PDE10A: variants seen among roughly 807,000 people sequenced by gnomAD.
PDE10A encodes the protein phosphodiesterase 10A.
PDE10A carries 39 observed loss-of-function variants against 97.7 expected under a neutral mutation model. That is an observed-to-expected ratio of 0.40 (90% confidence interval 0.31 to 0.52). PDE10A has a LOEUF of 0.52. Ranked by LOEUF, PDE10A falls within the 20% of genes least tolerant of loss-of-function variation. PDE10A has a pLI of 0.56. For missense variants in PDE10A, 731 were observed against 1,047.8 expected, an observed-to-expected ratio of 0.70 and a Z score of 4.17; for synonymous variants, 371 against 376.8, an observed-to-expected ratio of 0.98 and a Z score of 0.18.
At chr6:165,510,654 C>T (rs1033149861) in intron 2 of PDE10A, among the ~76,000 whole-genome samples, 1 of 151,952 alleles carries the variant, frequency 6.6e-6, no homozygotes, top group Non-Finnish European at 1.5e-5. Flanking sequence ...CTACTGGGTC[C>T]TGAGCTTTTC....
At chr6:165,336,802 CA>C (rs1489860470) in intron 20 of PDE10A, among the ~76,000 whole-genome samples, 1 of 151,242 alleles carries the variant, frequency 6.6e-6, no homozygotes, top group Non-Finnish European at 1.5e-5. Context: ...ATCTAAGACC[CA>C]AGTACATTAA....
intron 2 of PDE10A, among the ~76,000 whole-genome samples, chr6:165,494,015 A>G (rs905408768): frequency 3.9e-5 from 6 of 152,146 alleles, no homozygotes; most frequent in Non-Finnish European, 7.4e-5. Flanking sequence ...AAGGACATGA[A>G]TAGACAATTC....
chr6:165,775,505 A>G (rs1473779668), intron 1 of PDE10A: 1 of 152,208 alleles, frequency 6.6e-6, no homozygotes, highest in Non-Finnish European at 1.5e-5. Flanking sequence ...AGCTGGAAAC[A>G]AGCCTGCCCA....
At chr6:165,932,164 C>T (rs138879800) in intron 1 of PDE10A, among the ~76,000 whole-genome samples, 25 of 152,332 alleles carry the variant, frequency 1.6e-4, no homozygotes, top group Middle Eastern at 6.8e-3. Flanking sequence ...TCCAGATCTT[C>T]CTGCCCTCTG....
chr6:165,725,134 G>A (rs1485940321), intron 1 of PDE10A, among the ~76,000 whole-genome samples: 3 of 152,146 alleles, frequency 2.0e-5, no homozygotes, highest in African/African-American at 7.2e-5. Context: ...GCCCTCTTCT[G>A]GCTCCCATTC....
intron 1 of PDE10A, among the ~76,000 whole-genome samples, chr6:165,729,786 G>GA (rs11383862): frequency 0.26 from 39,927 of 151,070 alleles, 7,668 homozygotes; most frequent in African/African-American, 0.54. Context: ...TTACTAGGCA[G>GA]AAAAAAAAAT....
At chr6:165,654,993 T>C (rs554601951) in intron 1 of PDE10A, among the ~76,000 whole-genome samples, 23 of 152,208 alleles carry the variant, frequency 1.5e-4, no homozygotes, top group Non-Finnish European at 2.8e-4. Context: ...CTGGTCTCCA[T>C]TCACGACTGT....
At chr6:165,850,856 A>G (rs568984242) in intron 1 of PDE10A, among the ~76,000 whole-genome samples, 2 of 152,348 alleles carry the variant, frequency 1.3e-5, no homozygotes, top group Admixed American at 1.3e-4. Flanking sequence ...ATGATTAAAA[A>G]TATTTGGTGA....
At chr6:165,840,986 G>T (rs1048889627) in intron 1 of PDE10A, among the ~76,000 whole-genome samples, 6 of 152,146 alleles carry the variant, frequency 3.9e-5, no homozygotes, top group African/African-American at 1.4e-4. Flanking sequence ...TCTTAATAGA[G>T]GATTCAAATG....
At chr6:165,491,765 G>A (rs495087) in intron 2 of PDE10A, among the ~76,000 whole-genome samples, 44,639 of 151,740 alleles carry the variant, frequency 0.29, 6,986 homozygotes, top group African/African-American at 0.4. Context: ...GTCTGAAAGA[G>A]CACAGGTAGA....
rs1304266134 is a variant in PDE10A, at chr6:165,671,653, C to T, written c.-614-128085G>A. ...GGATTTAGGCTCGTTTTATAGATTT[C>T]ACACACATGGATTATAAAACGGATG... On this transcript the variant is annotated intron_variant, in intron 1 of 19. Coordinates refer to the PDE10A transcript ENST00000366882. The surrounding 1 kb of genome is among the most constrained non-coding windows in gnomAD (Gnocchi z 4.6). Among the ~76,000 whole-genome samples, 1 of 152,108 alleles carries T rather than the reference C, an allele frequency of 6.6e-6. No homozygotes were observed. The highest frequency in any genetic ancestry group is 2.4e-5 in the African/African-American group (1 of 41,392).
chr6:165,380,447 T>C (rs1246061142), intron 17 of PDE10A, among the ~76,000 whole-genome samples: 1 of 152,166 alleles, frequency 6.6e-6, no homozygotes, highest in Non-Finnish European at 1.5e-5. Context: ...TCAGAACAGT[T>C]CCATATTATT....
intron 1 of PDE10A, among the ~76,000 whole-genome samples, chr6:165,900,863 C>T (rs565579792): frequency 2.0e-5 from 3 of 152,298 alleles, no homozygotes; most frequent in South Asian, 4.1e-4. Context: ...GCAAAATATA[C>T]GATGTTCCCT....
At chr6:165,619,414 G>GTAGTC (rs1787954370) in intron 1 of PDE10A, among the ~76,000 whole-genome samples, 2 of 41,310 alleles carry the variant, frequency 4.8e-5, no homozygotes, top group African/African-American at 1.3e-4. Context: ...GTAGTCTAGT[G>GTAGTC]TAGTGTAGTG....
At chr6:165,939,204 C>T (rs1220616263) in intron 1 of PDE10A, among the ~76,000 whole-genome samples, 2 of 152,164 alleles carry the variant, frequency 1.3e-5, no homozygotes, top group South Asian at 2.1e-4. Context: ...TACAGGTTAA[C>T]GAGTATCCCT....
Position 165,435,230 on chromosome 6 carries a change from C to T in PDE10A, c.1335+7G>A, listed in dbSNP as rs374670179. ...AAAGTGTCACAAAGAATCAAAAAGC[C>T]ACTTACTCCAAGGATGTCTTCTACT... On this transcript the variant is annotated splice_region_variant and intron_variant, in intron 6 of 21. Transcript: ENST00000539869. The T allele has an allele frequency of 8.3e-5, 134 of 1,605,250 alleles. No individual in the cohort carries two copies. The highest frequency in any genetic ancestry group is 1.1e-4 in the Non-Finnish European group (128 of 1,176,574).
chr6:165,422,533 CAGT>C (rs1487153913), intron 10 of PDE10A, among the ~76,000 whole-genome samples: 17 of 152,250 alleles, frequency 1.1e-4, no homozygotes, highest in African/African-American at 3.9e-4. Context: ...TTTATAGCAA[CAGT>C]AGATTTTAAA....
intron 3 of PDE10A, among the ~76,000 whole-genome samples, chr6:165,464,185 T>C (rs1416140431): frequency 6.6e-6 from 1 of 152,066 alleles, no homozygotes; most frequent in East Asian, 1.9e-4. Flanking sequence ...GGCATATACA[T>C]ACACACACAT....
intron 3 of PDE10A, among the ~76,000 whole-genome samples, chr6:165,461,658 T>A (rs1014882756): frequency 2.6e-5 from 4 of 152,220 alleles, no homozygotes; most frequent in African/African-American, 9.6e-5. Context: ...TGCACCCTTT[T>A]TACATCACTC....
Sources: gnomAD v4.1 joint callset for allele counts (sites outside exome capture counted in the v4.1 genomes callset) on GRCh38, gnomAD v4.1.1 for gene constraint, Gnocchi (gnomAD v3.1) non-coding constraint, MANE v1.5 for transcripts, NCBI Gene and HGNC (gene_info 2026-07-23, HGNC 2026-07-21) for gene names.